CFAP65: variants seen among roughly 807,000 people sequenced by gnomAD.
CFAP65 encodes cilia and flagella associated protein 65.
In CFAP65, 155 loss-of-function variants were observed where a neutral mutation model predicts 208.0. The ratio of observed to expected loss-of-function variants is 0.75; its 90% CI spans 0.65 to 0.85. The LOEUF (loss-of-function observed/expected upper bound fraction) is 0.85. CFAP65 is among the 40% of genes least tolerant of loss of function. The probability of loss-of-function intolerance (pLI) is 0.00; values close to 1 mark genes in which losing one functional copy is unlikely to be tolerated. For missense variants in CFAP65, 2,294 were observed against 2,451.3 expected (o/e 0.94, Z 1.36); for synonymous variants, 970 against 986.3 (o/e 0.98, Z 0.31).
Position 219,018,851 on chromosome 2 carries a change from G to A in CFAP65, c.3602+200C>T, listed in dbSNP as rs16859466. On this transcript the variant is annotated intron_variant, in intron 21 of 34. Coordinates refer to ENST00000341552, the MANE Select transcript of CFAP65 (RefSeq NM_194302.4). ...TCCCACCGCTTCTGAGCCTATCACC[G>A]TGTCTCAGCCGGTGACAGGCCCGGA... is the stretch of plus-strand genomic sequence containing the variant. 8.2e-3 allele frequency: 5,481 copies of A among 669,280 alleles called. 209 individuals are homozygous for A. The highest frequency in any genetic ancestry group is 0.079 in the East Asian group (3,012 of 38,066). 41.5% of individuals were successfully genotyped at this position (669,280 alleles called of 1,614,324 possible). A position where few individuals can be genotyped will look rare whatever the true frequency, so the allele number is the denominator to read the frequency against.
At position 219,004,011 on chromosome 2, in the gene CFAP65, C is replaced by A; in HGVS notation, c.5496G>T (p.Gln1832His). The A allele has an allele frequency of 1.2e-6, 2 of 1,614,082 alleles. No homozygotes were observed. Among genetic ancestry groups the A allele is most frequent in the Non-Finnish European group, 1.7e-6 (2 of 1,180,026 alleles). The change falls in exon 33 of 35, where the codon CAG becomes CAT. Residue 1832 changes from glutamine (Q) to histidine (H), a missense_variant. Physicochemically the swap from Gln to His is conservative, Grantham distance 24. Around this residue, in one of 2 missense-constraint regions of CFAP65, gnomAD observed 1,427 missense variants for 1,438.7 expected, o/e 0.99. Transcript: ENST00000341552. This position sits in a 1 kb window ranked among gnomAD's most constrained non-coding sequence, Gnocchi z 4.7. ...CCTCCTTCACCATGACATTCAGCTG[C>A]TGTTGCCACTGCCATTGCATGGACT... ...SQESMQWQWQ[Q>H]QLNVMVKEEQ...
Position 219,026,157 on chromosome 2 carries a change from G to A in CFAP65, c.2214C>T (p.Val738=). ...VELEAFAIYK[V]LQSYSNIEED... is the part of the protein sequence containing the mutation. ...CCTCAATATTACTGTAGCTCTGCAGGACCTGCAGAGGGGCCAGACCCACGG... is the reference window on the plus strand; with the variant it reads ...CCTCAATATTACTGTAGCTCTGCAGAACCTGCAGAGGGGCCAGACCCACGG... The change falls in exon 14 of 35, where the codon GTC becomes GTT. Residue 738 remains valine, a splice_region_variant and synonymous_variant. Coordinates refer to ENST00000341552, the MANE Select transcript of CFAP65 (RefSeq NM_194302.4). 6.2e-7 allele frequency: 1 copy of A among 1,610,232 alleles called. No homozygotes were observed.
chr2:219,027,850 G>A lies in CFAP65; in HGVS notation c.2011C>T (p.Pro671Ser), dbSNP rs766591037. 1.5e-5 allele frequency: 24 copies of A among 1,587,194 alleles called. No individual in the cohort carries two copies. In the Admixed American group the frequency reaches 3.9e-4, roughly 26 times the overall value. The change falls in exon 13 of 35, where the codon CCT (proline) becomes TCT (serine). Residue 671 changes from proline (P) to serine (S), a missense_variant. Transcript: ENST00000341552. ...GACPGPEAPN[P>S]VPLCLMNHTK... The stretch of plus-strand genomic sequence containing the variant: ...TGGTTCATCAGGCACAGGGGTACAG[G>A]GTTGGGGGCCTCAGGCCCTGGGCAG...
rs569350904 is a variant in CFAP65 at position 219,031,241 on chromosome 2, G to C, written c.880C>G (p.Leu294Val). 1.3e-4 allele frequency: 202 copies of C among 1,613,770 alleles called. No homozygotes were observed. Among genetic ancestry groups the C allele is most frequent in the Non-Finnish European group, 1.6e-4 (190 of 1,179,942 alleles). ...SPFQMLPATG[L>V]LEPGQASQIK... Reference sequence around the variant, plus strand: ...TGAGAGGCCTGGCCTGGCTCCAGGAGCCCCGTGGCGGGCAGCATCTGGAAT... The same window carrying C: ...TGAGAGGCCTGGCCTGGCTCCAGGACCCCCGTGGCGGGCAGCATCTGGAAT... The change falls in exon 8 of 35, where the codon CTC becomes GTC. Residue 294 changes from leucine (L) to valine (V), a missense_variant. Transcript: ENST00000341552. The surrounding 1 kb of genome is among the most constrained non-coding windows in gnomAD (Gnocchi z 5.2).
At position 219,030,145 on chromosome 2, in the gene CFAP65, A is replaced by T; in HGVS notation, c.1225T>A (p.Cys409Ser). The change falls in exon 10 of 35, where the codon TGC becomes AGC. Residue 409 changes from cysteine to serine, a missense_variant. Coordinates refer to ENST00000341552, the MANE Select transcript of CFAP65 (RefSeq NM_194302.4). Reference sequence around the variant, plus strand: ...AGCACGATGCCATGGGCCGTGGGGCATGAGAAGGCCTGGTCTTCGGCCAGT... The same window carrying T: ...AGCACGATGCCATGGGCCGTGGGGCTTGAGAAGGCCTGGTCTTCGGCCAGT... ...DELAEDQAFSCPTAHGIVLPG... is the reference protein window; with the variant it reads ...DELAEDQAFSSPTAHGIVLPG... The T allele has an allele frequency of 6.2e-7, 1 of 1,614,146 alleles. No individual in the cohort carries two copies. The highest frequency in any genetic ancestry group is 8.5e-7 in the Non-Finnish European group (1 of 1,180,014).
At chr2:219,020,810 T>A (rs1219882383) in intron 19 of CFAP65, among the ~76,000 whole-genome samples, 1 of 152,242 alleles carries the variant, frequency 6.6e-6, no homozygotes, top group Non-Finnish European at 1.5e-5. Flanking sequence ...ATTTCCTCTC[T>A]GTGCTGCCCT....
rs1320235839 is a variant in CFAP65, at chr2:219,029,649, C to T, written c.1404G>A (p.Gln468=). 6.2e-7 allele frequency: 1 copy of T among 1,614,056 alleles called. No individual in the cohort carries two copies. Among genetic ancestry groups the T allele is most frequent in the South Asian group, 1.1e-5 (1 of 91,074 alleles). The change falls in exon 11 of 35, where the codon CAG becomes CAA. Residue 468 remains glutamine, a synonymous_variant. Coordinates refer to ENST00000341552, the MANE Select transcript of CFAP65 (RefSeq NM_194302.4). Reference sequence around the variant, plus strand: ...CCCAGCTGAAGTTGACACAGTAGTGCTGCAGGGACACAGCAGGGCCTGGAC... The same window carrying T: ...CCCAGCTGAAGTTGACACAGTAGTGTTGCAGGGACACAGCAGGGCCTGGAC... The part of the protein sequence containing the change: ...GFCRGPAVSL[Q]HYCVNFSWVN...
chr2:219,019,103 G>T lies in CFAP65; in HGVS notation c.3550C>A (p.Pro1184Thr). The T allele has an allele frequency of 1.2e-6, 2 of 1,614,260 alleles. No individual in the cohort carries two copies. The highest frequency in any genetic ancestry group is 1.7e-6 in the Non-Finnish European group (2 of 1,180,050). ...TTCAGGGCCAGGAATACCACGGAAG[G>T]TGGGGCCTTGAATGGTGCGGCCCCG... The part of the protein sequence containing the change: ...NFGAAPFKAP[P>T]SVVFLALKNS... Residue 1184 changes from proline (P) to threonine (T), a missense_variant, in exon 21 of 35, where the codon CCT becomes ACT. Coordinates refer to ENST00000341552, the MANE Select transcript of CFAP65 (RefSeq NM_194302.4).
chr2:219,004,533 T>C lies in CFAP65; in HGVS notation c.5052-78A>G. On this transcript the variant is annotated intron_variant, in intron 32 of 34. Transcript: ENST00000341552. This position sits in a 1 kb window ranked among gnomAD's most constrained non-coding sequence, Gnocchi z 4.7. ...GGGGAGCCCTGGCTTCAGAGCTAGG[T>C]TCTAGGTGGGAAAGGGGCTGCTAGG... 1 of 1,487,228 alleles carries C rather than the reference T, an allele frequency of 6.7e-7. No homozygotes were observed. Among genetic ancestry groups the C allele is most frequent in the South Asian group, 1.4e-5 (1 of 73,878 alleles). The allele number at this position is 1,487,228 out of a possible 1,614,324, so 92.1% of individuals were successfully genotyped here. A position where few individuals can be genotyped will look rare whatever the true frequency, so the allele number is the denominator to read the frequency against.
chr2:219,021,097 C>G, intron 19 of CFAP65, 55 bp downstream of exon 19: 1 of 1,465,514 alleles, frequency 6.8e-7, no homozygotes, highest in South Asian at 1.6e-5. Flanking sequence ...ACAGCCCTCC[C>G]CCTTCATCCT....
chr2:219,002,965 A>G lies in CFAP65; in HGVS notation c.5750T>C (p.Val1917Ala). The G allele has an allele frequency of 6.4e-7, 1 of 1,566,680 alleles. No individual in the cohort carries two copies. The highest frequency in any genetic ancestry group is 8.7e-7 in the Non-Finnish European group (1 of 1,155,488). ...PTQQAEVLHP[V>A]VPLPTDLP is the part of the protein sequence containing the mutation. ...CGGAAGGTCGGTAGGAAGTGGCACC[A>G]CCGGGTGGAGTACCTCTGCTTGCTG... The change falls in exon 35 of 35, where the codon GTG becomes GCG. Residue 1917 changes from valine (V) to alanine (A), a missense_variant. Physicochemically the swap from Val to Ala is moderately conservative, Grantham distance 64. This residue lies in a region of CFAP65 where 1,427 missense variants were observed against 1,438.7 expected (regional missense o/e 0.99). Transcript: ENST00000341552. This position sits in a 1 kb window ranked among gnomAD's most constrained non-coding sequence, Gnocchi z 7.9.
At chr2:219,022,136 C>T (rs917951990) in intron 17 of CFAP65, 35 bp downstream of exon 17, 4 of 1,535,074 alleles carry the variant, frequency 2.6e-6, no homozygotes, top group Non-Finnish European at 3.5e-6. Flanking sequence ...CGGGCCTCTC[C>T]CCCAGCCCCC....
chr2:219,030,998 G>T, intron 8 of CFAP65, 108 bp downstream of exon 8: 2 of 1,420,728 alleles, frequency 1.4e-6, no homozygotes, highest in Non-Finnish European at 1.9e-6. Context: ...GCAGGAGGCC[G>T]GTGGAGGCGG....
At chr2:219,038,331 G>T (rs1948481525) in intron 4 of CFAP65, 44 bp downstream of exon 4, 3 of 1,584,000 alleles carry the variant, frequency 1.9e-6, no homozygotes, top group African/African-American at 2.7e-5. Context: ...GCCCCGCCCT[G>T]GCCCTGCCAC....
chr2:219,013,126 G>T, intron 24 of CFAP65, 133 bp downstream of exon 24: 1 of 685,460 alleles, frequency 1.5e-6, no homozygotes. Flanking sequence ...CAGTCTGGGG[G>T]TTCAACCTGC....
chr2:219,016,799 G>A (rs1946917307), intron 21 of CFAP65, among the ~76,000 whole-genome samples: 1 of 152,176 alleles, frequency 6.6e-6, no homozygotes. Flanking sequence ...ACTCCCCGAT[G>A]CCCATCCCAT....
Position 219,041,480 on chromosome 2 carries a change from G to A in CFAP65, c.-49+8C>T, listed in dbSNP as rs747019212. ...CCTGGGACCTTGGGACTAACGCTCA[G>A]AACTTACATCGCCTCCATATTGCCG... On this transcript the variant is annotated splice_region_variant and intron_variant, in intron 1 of 34. Transcript: ENST00000341552. The A allele has an allele frequency of 1.4e-5, 22 of 1,550,406 alleles. No homozygotes were observed. The South Asian group carries it at 1.7e-4, about 12-fold the overall frequency.
At chr2:219,020,469 C>T (rs1947199135) in intron 19 of CFAP65, among the ~76,000 whole-genome samples, 1 of 152,150 alleles carries the variant, frequency 6.6e-6, no homozygotes, top group Non-Finnish European at 1.5e-5. Flanking sequence ...CAACTTTTAC[C>T]TCCTGGGCTC....
chr2:219,010,771 C>T (rs766227556), intron 25 of CFAP65, 34 bp downstream of exon 25: 22 of 1,588,960 alleles, frequency 1.4e-5, no homozygotes, highest in Non-Finnish European at 1.7e-5. Flanking sequence ...GCCAGCACCA[C>T]CCCACCTCCC....
Sources: gnomAD v4.1 joint callset for allele counts (sites outside exome capture counted in the v4.1 genomes callset) on GRCh38, gnomAD v4.1.1 for gene constraint, gnomAD v4.1.1 regional missense constraint, Gnocchi (gnomAD v3.1) non-coding constraint, MANE v1.5 for transcripts, NCBI Gene and HGNC (gene_info 2026-07-23, HGNC 2026-07-21) for gene names.